CHN2: variants seen among roughly 807,000 people sequenced by gnomAD.
CHN2 encodes the protein chimerin 2.
CHN2 carries 35 observed loss-of-function variants against 56.3 expected under a neutral mutation model. The ratio of observed to expected loss-of-function variants is 0.62; its 90% CI spans 0.47 to 0.82. The LOEUF (loss-of-function observed/expected upper bound fraction) is 0.82. CHN2 is among the 40% of genes least tolerant of loss of function. The pLI, the probability that CHN2 is intolerant of heterozygous loss-of-function variation, is 0.00. For missense variants in CHN2, 491 were observed against 580.5 expected, an observed-to-expected ratio of 0.85 and a Z score of 1.58; for synonymous variants, 210 against 212.8, an observed-to-expected ratio of 0.99 and a Z score of 0.12.
chr7:29,390,040 C>T (rs1044193178), intron 3 of CHN2, among the ~76,000 whole-genome samples: 23 of 116,286 alleles, frequency 2.0e-4, no homozygotes, highest in Non-Finnish European at 3.3e-4. Flanking sequence ...GGCAACAGAG[C>T]GAGACACTGT....
chr7:29,412,321 T>TC (rs1803302793), intron 6 of CHN2, among the ~76,000 whole-genome samples: 1 of 60,158 alleles, frequency 1.7e-5, no homozygotes, highest in Non-Finnish European at 3.2e-5. Flanking sequence ...CTAAAGAGTC[T>TC]TTTTTTTTTT....
At position 29,307,029 on chromosome 7, in the gene CHN2, T is replaced by C. The variant is rs17150653; in HGVS notation, c.50-47596T>C. On this transcript the variant is annotated intron_variant, in intron 1 of 12. Transcript: ENST00000222792. ...CATTTTCAAGAGGACATCCGTAATC[T>C]CTCATTTTGGGGACAGCAGGAAAGA... Among the ~76,000 whole-genome samples the C allele has an allele frequency of 6.7e-3, 1,018 of 152,330 alleles. 18 individuals are homozygous for C. The highest frequency in any genetic ancestry group is 0.023 in the African/African-American group (948 of 41,578).
At chr7:29,441,079 A>G (rs1476894244) in intron 6 of CHN2, among the ~76,000 whole-genome samples, 1 of 152,216 alleles carries the variant, frequency 6.6e-6, no homozygotes, top group Non-Finnish European at 1.5e-5. Context: ...TTACTCTCTT[A>G]GCATGGGGAG....
intron 6 of CHN2, among the ~76,000 whole-genome samples, chr7:29,451,684 A>G (rs1032904597): frequency 6.6e-6 from 1 of 152,184 alleles, no homozygotes; most frequent in Non-Finnish European, 1.5e-5. Flanking sequence ...AACCACATAT[A>G]ATAATCATGA....
chr7:29,371,396 A>G (rs902435431), intron 3 of CHN2, among the ~76,000 whole-genome samples: 1 of 152,188 alleles, frequency 6.6e-6, no homozygotes, highest in Non-Finnish European at 1.5e-5. Flanking sequence ...TACTACTGCA[A>G]ATTAATATTT....
At chr7:29,212,713 G>A in intron 1 of CHN2, 1 of 1,596,276 alleles carries the variant, frequency 6.3e-7, no homozygotes, top group Non-Finnish European at 8.6e-7. Context: ...GCTACAAACA[G>A]GTGAAGACCT....
At chr7:29,245,014 T>G (rs1787961895) in intron 1 of CHN2, among the ~76,000 whole-genome samples, 1 of 152,216 alleles carries the variant, frequency 6.6e-6, no homozygotes, top group African/African-American at 2.4e-5. Context: ...AGATTACCTA[T>G]GGTTTCTTGA....
At chr7:29,259,217 A>G (rs1230492727) in intron 1 of CHN2, among the ~76,000 whole-genome samples, 1 of 152,016 alleles carries the variant, frequency 6.6e-6, no homozygotes, top group Non-Finnish European at 1.5e-5. Context: ...AGTCTTAGCT[A>G]CTCAGGAGGC....
At chr7:29,317,708 C>T (rs1350188122) in intron 1 of CHN2, among the ~76,000 whole-genome samples, 2 of 152,230 alleles carry the variant, frequency 1.3e-5, no homozygotes, top group Admixed American at 1.3e-4. Flanking sequence ...ATGGTCCCTG[C>T]ACTCAGGGAA....
chr7:29,373,176 A>G (rs971843151), intron 3 of CHN2, among the ~76,000 whole-genome samples: 1 of 151,674 alleles, frequency 6.6e-6, no homozygotes, highest in African/African-American at 2.4e-5. Context: ...GCAGTGGCCA[A>G]TCTTTTTTTT....
At chr7:29,252,574 C>CTTTTTTTTTT (rs150230689) in intron 1 of CHN2, among the ~76,000 whole-genome samples, 4 of 19,276 alleles carry the variant, frequency 2.1e-4, no homozygotes, top group East Asian at 1.4e-3. Flanking sequence ...AAATTGCATT[C>CTTTTTTTTTT]TTTGTTTTTT....
At chr7:29,270,113 A>T (rs1215138938) in intron 1 of CHN2, among the ~76,000 whole-genome samples, 5 of 152,108 alleles carry the variant, frequency 3.3e-5, no homozygotes, top group African/African-American at 1.2e-4. Flanking sequence ...ATGCTTCCTG[A>T]TAATAATAAT....
chr7:29,348,988 T>C (rs1417316742), intron 1 of CHN2, among the ~76,000 whole-genome samples: 4 of 152,208 alleles, frequency 2.6e-5, no homozygotes, highest in African/African-American at 9.6e-5. Flanking sequence ...TTATATTTAA[T>C]AAATTATTTT....
At chr7:29,153,689 C>T (rs889936225) in intron 2 of CHN2, among the ~76,000 whole-genome samples, 1 of 152,196 alleles carries the variant, frequency 6.6e-6, no homozygotes, top group Non-Finnish European at 1.5e-5. Flanking sequence ...CATGCCTCAG[C>T]CTCCTGAGTG....
chr7:29,149,015 A>T (rs1793181168), intron 2 of CHN2, among the ~76,000 whole-genome samples: 1 of 152,094 alleles, frequency 6.6e-6, no homozygotes, highest in African/African-American at 2.4e-5. Flanking sequence ...ACTCAGGTTG[A>T]TGCTGTGCTC....
At chr7:29,226,185 T>G (rs1008893783) in intron 1 of CHN2, among the ~76,000 whole-genome samples, 1 of 152,198 alleles carries the variant, frequency 6.6e-6, no homozygotes, top group Non-Finnish European at 1.5e-5. Context: ...ACAAATACTT[T>G]GAAAAATGAA....
At chr7:29,508,549 G>A (rs1790887610) in intron 11 of CHN2, among the ~76,000 whole-genome samples, 1 of 152,044 alleles carries the variant, frequency 6.6e-6, no homozygotes, top group African/African-American at 2.4e-5. Context: ...GATGAGCTGA[G>A]GCCCTGACCC....
intron 1 of CHN2, among the ~76,000 whole-genome samples, chr7:29,273,514 C>T (rs948411780): frequency 2.6e-5 from 4 of 151,230 alleles, no homozygotes; most frequent in African/African-American, 9.7e-5. Context: ...AAGTGATGAG[C>T]TTGTCTCTCT....
chr7:29,481,111 A>G (rs1787168811), intron 7 of CHN2, among the ~76,000 whole-genome samples: 1 of 152,172 alleles, frequency 6.6e-6, no homozygotes, highest in African/African-American at 2.4e-5. Context: ...CTGGAAAGGG[A>G]TGCTGCTGCC....
Sources: allele counts gnomAD v4.1 joint callset (sites outside exome capture counted in the v4.1 genomes callset), GRCh38; gene constraint gnomAD v4.1.1; transcripts MANE v1.5; gene names NCBI Gene and HGNC (gene_info 2026-07-23, HGNC 2026-07-21).